Variants in NPAS3 observed in about 807,000 individuals in gnomAD.
NPAS3 encodes neuronal PAS domain protein 3.
In NPAS3, 14 loss-of-function variants were observed where a neutral mutation model predicts 73.1. That is an observed-to-expected ratio of 0.19 (90% CI 0.13 to 0.30). The LOEUF (loss-of-function observed/expected upper bound fraction) is 0.30. Among genes scored for constraint, NPAS3 ranks in the 10% least tolerant of loss-of-function variants. NPAS3 has a pLI of 1.00. For missense variants in NPAS3, 1,096 were observed against 1,250.0 expected, an observed-to-expected ratio of 0.88 and a Z score of 1.86; for synonymous variants, 620 against 541.5, an observed-to-expected ratio of 1.14 and a Z score of -2.01.
chr14:32,980,557 A>G (rs2139394224), intron 1 of NPAS3, among the ~76,000 whole-genome samples: 1 of 152,330 alleles, frequency 6.6e-6, no homozygotes, highest in African/African-American at 2.4e-5. Flanking sequence ...TTGAATTTGG[A>G]ATAATTAAAT....
At chr14:33,549,925 G>A (rs1045551936) in intron 4 of NPAS3, among the ~76,000 whole-genome samples, 4 of 152,176 alleles carry the variant, frequency 2.6e-5, no homozygotes, top group Admixed American at 1.3e-4. Flanking sequence ...AATAGTCATC[G>A]AAGTACAATC....
intron 2 of NPAS3, among the ~76,000 whole-genome samples, chr14:33,166,912 T>C (rs2045181877): frequency 6.6e-6 from 1 of 152,208 alleles, no homozygotes; most frequent in Non-Finnish European, 1.5e-5. Context: ...TATCACTAAG[T>C]GGAGATTTAA....
intron 5 of NPAS3, among the ~76,000 whole-genome samples, chr14:33,599,525 A>T (rs2057340549): frequency 6.6e-6 from 1 of 152,208 alleles, no homozygotes; most frequent in African/African-American, 2.4e-5. Flanking sequence ...TTATAGCTTT[A>T]GACAGAGGTT....
chr14:33,009,649 T>C (rs868789771), intron 1 of NPAS3, among the ~76,000 whole-genome samples: 1 of 152,296 alleles, frequency 6.6e-6, no homozygotes, highest in East Asian at 1.9e-4. Context: ...CCAGGCAAGA[T>C]GCTAAGTGTT....
At chr14:32,999,691 T>G (rs1443227112) in intron 1 of NPAS3, among the ~76,000 whole-genome samples, 1 of 152,196 alleles carries the variant, frequency 6.6e-6, no homozygotes, top group Non-Finnish European at 1.5e-5. Context: ...TTACCTTTAG[T>G]AAAGATGCTC....
chr14:33,238,920 A>G (rs2048126795), intron 3 of NPAS3, among the ~76,000 whole-genome samples: 1 of 151,984 alleles, frequency 6.6e-6, no homozygotes. Flanking sequence ...CAAATTCTCC[A>G]CTTCTGCAAG....
At chr14:33,313,361 T>TCA (rs2043081861) in intron 3 of NPAS3, among the ~76,000 whole-genome samples, 2 of 152,026 alleles carry the variant, frequency 1.3e-5, no homozygotes, top group Non-Finnish European at 2.9e-5. Flanking sequence ...GTTTATTGAA[T>TCA]CACAGTGCCA....
intron 4 of NPAS3, among the ~76,000 whole-genome samples, chr14:33,496,333 C>T (rs1427627225): frequency 6.6e-6 from 1 of 152,088 alleles, no homozygotes; most frequent in African/African-American, 2.4e-5. Flanking sequence ...AGGGACTCCA[C>T]CCTAACTCAT....
At chr14:33,612,361 C>T in intron 5 of NPAS3, 1 of 454,568 alleles carries the variant, frequency 2.2e-6, no homozygotes, top group Non-Finnish European at 4.4e-6. Flanking sequence ...CCACATTCTG[C>T]TTCCCCACGC....
chr14:33,388,596 T>C (rs774072189), intron 4 of NPAS3, among the ~76,000 whole-genome samples: 2 of 152,178 alleles, frequency 1.3e-5, no homozygotes, highest in Non-Finnish European at 2.9e-5. Context: ...TATATTAAGT[T>C]ATAACTTGAG....
At chr14:33,711,434 T>A (rs934601484) in intron 6 of NPAS3, among the ~76,000 whole-genome samples, 1 of 152,090 alleles carries the variant, frequency 6.6e-6, no homozygotes, top group Non-Finnish European at 1.5e-5. Flanking sequence ...CATAGAGAAC[T>A]TCCCTGGGTG....
At chr14:33,653,235 C>T (rs912380076) in intron 5 of NPAS3, among the ~76,000 whole-genome samples, 9 of 152,190 alleles carry the variant, frequency 5.9e-5, no homozygotes, top group Non-Finnish European at 1.2e-4. Context: ...AAAATGGCCC[C>T]GTATTGCTGA....
chr14:33,053,275 A>G (rs764001142), intron 1 of NPAS3, among the ~76,000 whole-genome samples: 45 of 152,214 alleles, frequency 3.0e-4, no homozygotes, highest in Non-Finnish European at 6.3e-4. Context: ...GGAACAATTT[A>G]CTACTCTGCC....
chr14:33,789,578 T>G (rs1186488434), intron 9 of NPAS3, among the ~76,000 whole-genome samples: 2 of 136,410 alleles, frequency 1.5e-5, no homozygotes, highest in African/African-American at 5.9e-5. Flanking sequence ...ATTACTAGAG[T>G]ACAACTTTTT....
chr14:33,559,382 TC>T (rs1383159428), intron 4 of NPAS3, among the ~76,000 whole-genome samples: 3 of 152,260 alleles, frequency 2.0e-5, no homozygotes, highest in African/African-American at 7.2e-5. Context: ...TTGTTGATGT[TC>T]ATAGTAGTGC....
At chr14:33,011,896 G>A (rs975199024) in intron 1 of NPAS3, among the ~76,000 whole-genome samples, 1 of 152,128 alleles carries the variant, frequency 6.6e-6, no homozygotes, top group Non-Finnish European at 1.5e-5. Flanking sequence ...GGTTTCGAAA[G>A]GCCAGGGTTC....
At chr14:33,379,129 A>G (rs2046430217) in intron 4 of NPAS3, among the ~76,000 whole-genome samples, 1 of 152,150 alleles carries the variant, frequency 6.6e-6, no homozygotes. Context: ...TGAAATATAA[A>G]TGAATTTTAT....
intron 4 of NPAS3, among the ~76,000 whole-genome samples, chr14:33,454,412 G>A (rs118076131): frequency 0.03 from 4,528 of 152,276 alleles, 69 homozygotes; most frequent in Middle Eastern, 0.065. Context: ...ATAAAATGAG[G>A]ATAATAAACA....
At chr14:33,692,273 C>T (rs2060255605) in intron 6 of NPAS3, among the ~76,000 whole-genome samples, 2 of 152,064 alleles carry the variant, frequency 1.3e-5, no homozygotes, top group African/African-American at 2.4e-5. Flanking sequence ...TAACCAAATG[C>T]CTTTTTTAAA....
Sources: allele counts gnomAD v4.1 joint callset (sites outside exome capture counted in the v4.1 genomes callset), GRCh38; gene constraint gnomAD v4.1.1; transcripts MANE v1.5; gene names NCBI Gene and HGNC (gene_info 2026-07-23, HGNC 2026-07-21).